The following MARCHF1 variants were observed in gnomAD, a reference collection of about 807,000 sequenced individuals.
MARCHF1 encodes the protein E3 ubiquitin-protein ligase MARCHF1.
Under a neutral mutation model 54.2 loss-of-function variants are expected in MARCHF1, and 40 were observed. The observed-to-expected ratio is 0.74, with a 90% CI of 0.57 to 0.96. MARCHF1 has a LOEUF of 0.96. Among genes scored for constraint, MARCHF1 ranks in the 40% least tolerant of loss-of-function variants. MARCHF1 has a pLI of 0.00. For missense variants in MARCHF1, 586 were observed against 656.5 expected, an observed-to-expected ratio of 0.89 and a Z score of 1.17; for synonymous variants, 236 against 236.3, an observed-to-expected ratio of 1.00 and a Z score of 0.01.
chr4:163,555,912 T>C, intron 8 of MARCHF1: 1 of 456,236 alleles, frequency 2.2e-6, no homozygotes, highest in Non-Finnish European at 4.4e-6. Flanking sequence ...TCTCTGTGCC[T>C]AAGTGATCAT....
intron 3 of MARCHF1, among the ~76,000 whole-genome samples, chr4:163,904,763 A>AGAGAGAGAGACAGAGAC (rs374872263): frequency 2.0e-5 from 3 of 151,466 alleles, no homozygotes; most frequent in Non-Finnish European, 2.9e-5. Flanking sequence ...AGGAGAGAGA[A>AGAGAGAGAGACAGAGAC]AGAGACAGAG....
chr4:164,206,690 T>C (rs1731615984), intron 1 of MARCHF1, among the ~76,000 whole-genome samples: 1 of 152,162 alleles, frequency 6.6e-6, no homozygotes, highest in African/African-American at 2.4e-5. Flanking sequence ...CATTCACCTT[T>C]GTTTCAAGTA....
At chr4:163,972,634 C>T (rs1487702484) in intron 3 of MARCHF1, among the ~76,000 whole-genome samples, 1 of 152,106 alleles carries the variant, frequency 6.6e-6, no homozygotes, top group Non-Finnish European at 1.5e-5. Flanking sequence ...GCAAGCTCCA[C>T]CTCCTGGGTT....
chr4:163,768,641 A>G (rs1747061693), intron 4 of MARCHF1, among the ~76,000 whole-genome samples: 1 of 152,194 alleles, frequency 6.6e-6, no homozygotes, highest in Non-Finnish European at 1.5e-5. Context: ...TTGTTTTGCA[A>G]GAGCTTGAAT....
intron 5 of MARCHF1, among the ~76,000 whole-genome samples, chr4:163,655,626 C>A (rs1264995674): frequency 6.6e-6 from 1 of 151,846 alleles, no homozygotes; most frequent in Admixed American, 6.6e-5. Flanking sequence ...TTACATGGAA[C>A]TTACTCTAAA....
intron 1 of MARCHF1, among the ~76,000 whole-genome samples, chr4:164,272,000 AAAT>A (rs1262191466): frequency 2.6e-5 from 4 of 151,892 alleles, no homozygotes; most frequent in African/African-American, 9.7e-5. Context: ...GGCAAAACAA[AAAT>A]AATGACTCAT....
chr4:164,342,519 T>TATA (rs200393707), intron 1 of MARCHF1, among the ~76,000 whole-genome samples: 7 of 146,716 alleles, frequency 4.8e-5, no homozygotes, highest in South Asian at 2.2e-4. Context: ...AAACTTAAAG[T>TATA]ATAATAATAA....
chr4:163,819,867 T>G (rs1748643126), intron 4 of MARCHF1, among the ~76,000 whole-genome samples: 1 of 152,122 alleles, frequency 6.6e-6, no homozygotes, highest in South Asian at 2.1e-4. Context: ...CATCTCATCC[T>G]GCATCCTGGA....
Position 163,817,474 on chromosome 4 carries a change from A to ACT in MARCHF1, c.111+36546_111+36547insAG, listed in dbSNP as rs537389410. 2.7e-3 allele frequency among the ~76,000 whole-genome samples: 406 copies of ACT among 150,244 alleles called. 2 individuals carry two copies. Among genetic ancestry groups the ACT allele is most frequent in the African/African-American group, 9.1e-3 (377 of 41,260 alleles). ...GTGGTTAGGAGAGCAACACACACAC[A>ACT]CACACACATATCCATCATGTTTCAG... On this transcript the variant is annotated intron_variant, in intron 4 of 9. Transcript: ENST00000514618.
At chr4:163,741,178 A>G (rs969719427) in intron 4 of MARCHF1, among the ~76,000 whole-genome samples, 1 of 152,206 alleles carries the variant, frequency 6.6e-6, no homozygotes, top group South Asian at 2.1e-4. Context: ...CAATTTTCTT[A>G]TATGTAAAAT....
chr4:163,929,956 T>A (rs866330035), intron 3 of MARCHF1, among the ~76,000 whole-genome samples: 1 of 70,658 alleles, frequency 1.4e-5, no homozygotes, highest in African/African-American at 6.3e-5. Context: ...TTATATATAT[T>A]ATATATAATA....
chr4:163,846,064 A>G (rs1749476959), intron 4 of MARCHF1, among the ~76,000 whole-genome samples: 1 of 152,204 alleles, frequency 6.6e-6, no homozygotes, highest in Non-Finnish European at 1.5e-5. Flanking sequence ...TCTAATAAAA[A>G]TTTAGATTTC....
intron 1 of MARCHF1, among the ~76,000 whole-genome samples, chr4:164,186,059 A>AT: frequency 6.6e-6 from 1 of 152,172 alleles, no homozygotes. Context: ...CAACCAGCTA[A>AT]TTTTTGTATT....
chr4:164,018,062 AT>A (rs557050914), intron 2 of MARCHF1, among the ~76,000 whole-genome samples: 1 of 151,942 alleles, frequency 6.6e-6, no homozygotes. Context: ...ATAATTATAT[AT>A]TTTTTAAACC....
rs1193150916 is a variant in MARCHF1, at chr4:163,818,821, G to T, written c.111+35200C>A. Among the ~76,000 whole-genome samples, 10 of 152,154 alleles carry T rather than the reference G, an allele frequency of 6.6e-5. No homozygotes were observed. The East Asian group carries it at 1.9e-3, about 29-fold the overall frequency. On this transcript the variant is annotated intron_variant, in intron 4 of 9. Transcript: ENST00000514618. ...AACCTCATGGTCAAGACAGTAAATT[G>T]CCATTGAGTTTGCTCTCCTTTAAAG...
intron 1 of MARCHF1, among the ~76,000 whole-genome samples, chr4:164,118,777 T>C (rs1409401127): frequency 6.6e-6 from 1 of 150,776 alleles, no homozygotes; most frequent in East Asian, 1.9e-4. Context: ...AATTCTGAAA[T>C]AAGAAAGTAA....
intron 5 of MARCHF1, among the ~76,000 whole-genome samples, chr4:163,651,821 C>A: frequency 6.7e-6 from 1 of 149,232 alleles, no homozygotes; most frequent in Admixed American, 6.7e-5. Context: ...AAAGTTAGTC[C>A]AAGGCATTAT....
At chr4:163,783,211 A>C (rs971760172) in intron 4 of MARCHF1, among the ~76,000 whole-genome samples, 7 of 152,240 alleles carry the variant, frequency 4.6e-5, no homozygotes, top group Admixed American at 1.3e-4. Flanking sequence ...CCCCTTTCAC[A>C]GATGATAAAA....
At chr4:163,752,101 T>TGAA (rs988801473) in intron 4 of MARCHF1, among the ~76,000 whole-genome samples, 35 of 152,206 alleles carry the variant, frequency 2.3e-4, no homozygotes, top group African/African-American at 8.2e-4. Context: ...AATTTTTCTG[T>TGAA]GAAGACGGCT....
Sources: gnomAD v4.1 joint callset for allele counts (sites outside exome capture counted in the v4.1 genomes callset) on GRCh38, gnomAD v4.1.1 for gene constraint, MANE v1.5 for transcripts, NCBI Gene and HGNC (gene_info 2026-07-23, HGNC 2026-07-21) for gene names.